The following CARF variants were observed in gnomAD, a reference collection of about 807,000 sequenced individuals.
The protein encoded by CARF is calcium responsive transcription factor, also known as calcium-responsive transcription factor.
A neutral mutation model predicts 82.0 loss-of-function variants in CARF; 57 were observed. The observed-to-expected ratio is 0.70, with a 90% CI of 0.56 to 0.87. CARF has a LOEUF of 0.87. CARF is among the 40% of genes least tolerant of loss of function. The pLI is 0.00. For missense variants in CARF, 771 were observed against 855.8 expected (o/e 0.90, Z 1.24); for synonymous variants, 268 against 290.1 (o/e 0.92, Z 0.77).
chr2:202,925,862 A>T (rs924602750), intron 3 of CARF: 2 of 193,504 alleles, frequency 1.0e-5, no homozygotes, highest in African/African-American at 4.8e-5. Flanking sequence ...TGGGATGCAG[A>T]ACATGAGTAT....
At position 202,981,305 on chromosome 2, in the gene CARF, G is replaced by A. The variant is rs1360640108; in HGVS notation, c.1559-250G>A. 2.6e-5 allele frequency among the ~76,000 whole-genome samples: 4 copies of A among 152,114 alleles called. No individual in the cohort carries two copies. In the East Asian group the frequency reaches 5.8e-4, roughly 22 times the overall value. ...TGATCTAACACGAGGTAGAGCTCAC[G>A]CGGTAAGGCTTCCTCATGCAGTAAG... On this transcript the variant is annotated intron_variant, in intron 14 of 16. Transcript: ENST00000438828.
In CARF at chr2:202,971,914, C is replaced by T. The variant is rs544867972; in HGVS notation, c.1331+176C>T. Among the ~76,000 whole-genome samples the T allele has an allele frequency of 9.2e-5, 14 of 152,086 alleles. No homozygotes were observed. In the East Asian group the frequency reaches 2.7e-3, roughly 29 times the overall value. ...TAAACTGATCATTTTCTAACAAATG[C>T]TTGGCAAGCAATGGTGTAATATGGT... is the stretch of plus-strand genomic sequence containing the variant. On this transcript the variant is annotated intron_variant, in intron 12 of 16. Coordinates refer to ENST00000438828, the MANE Select transcript of CARF (RefSeq NM_024744.17).
At chr2:202,973,589 G>A (rs2059898272) in intron 12 of CARF, 2 of 330,344 alleles carry the variant, frequency 6.1e-6, no homozygotes, top group South Asian at 2.6e-5. Context: ...TACTAGGTAG[G>A]TGTATGATTT....
chr2:202,961,203 G>C, intron 8 of CARF, 34 bp from the exon 9 acceptor site: 1 of 1,544,166 alleles, frequency 6.5e-7, no homozygotes, highest in Non-Finnish European at 8.9e-7. Context: ...GAAGTGTATT[G>C]CTAGTAATTT....
intron 13 of CARF, among the ~76,000 whole-genome samples, chr2:202,975,937 T>A (rs1243677270): frequency 6.7e-6 from 1 of 150,374 alleles, no homozygotes; most frequent in Non-Finnish European, 1.5e-5. Context: ...CCCAGCTACT[T>A]GGCAGGCTGA....
At chr2:202,916,478 C>T (rs1280532444) in intron 1 of CARF, among the ~76,000 whole-genome samples, 3 of 152,030 alleles carry the variant, frequency 2.0e-5, no homozygotes, top group African/African-American at 4.8e-5. Flanking sequence ...ACCAGCATCC[C>T]GCCGAGCAAT....
Position 202,971,536 on chromosome 2 carries a change from C to T in CARF, c.1129C>T (p.His377Tyr). The part of the protein sequence containing the change: ...WYVQLPTQQA[H>Y]QYHELETPCL... ...TGTACAGTTACCTACACAGCAAGCT[C>T]ATCAGTATCATGAATTAGAGACTCC... is the stretch of plus-strand genomic sequence containing the variant. Residue 377 changes from histidine to tyrosine, a missense_variant, in exon 12 of 17, where the codon CAT becomes TAT. Physicochemically the swap from His to Tyr is moderately conservative, Grantham distance 83 (BLOSUM62 2). Transcript: ENST00000438828. 6.2e-7 allele frequency: 1 copy of T among 1,613,310 alleles called. No homozygotes were observed. The highest frequency in any genetic ancestry group is 8.5e-7 in the Non-Finnish European group (1 of 1,179,544).
At chr2:202,920,078 T>G (rs1367627819) in intron 2 of CARF, among the ~76,000 whole-genome samples, 4 of 152,200 alleles carry the variant, frequency 2.6e-5, no homozygotes, top group African/African-American at 9.7e-5. Context: ...TGATTGTTGA[T>G]AATTCTAGCT....
intron 10 of CARF, among the ~76,000 whole-genome samples, chr2:202,967,674 A>AG (rs1428732642): frequency 2.6e-5 from 4 of 152,244 alleles, no homozygotes; most frequent in African/African-American, 4.8e-5. Flanking sequence ...TATTATACAA[A>AG]GCTGCAGTTA....
intron 3 of CARF, among the ~76,000 whole-genome samples, chr2:202,934,060 C>CA (rs200878308): frequency 1.3e-3 from 201 of 149,214 alleles, no homozygotes; most frequent in African/African-American, 4.3e-3. Context: ...AAAAAAATAT[C>CA]AAAAAAAAAA....
chr2:202,935,109 A>G (rs549412014), intron 3 of CARF, among the ~76,000 whole-genome samples: 10 of 142,912 alleles, frequency 7.0e-5, no homozygotes, highest in African/African-American at 2.3e-4. Flanking sequence ...ATAATATATA[A>G]TTATATATAA....
rs2060456791 is a variant in CARF, at chr2:202,986,886, A to ATATATATACATATATATATATATATACG, written c.*3270_*3271insCATATATATATATATATACGTATATATA. ...TCTGTGCGTATATATATATATATAT[A>ATATATATACATATATATATATATATACG]TATATATATATATATATATATAGCA... On this transcript the variant is annotated 3_prime_UTR_variant, in exon 17 of 17. Transcript: ENST00000438828. The ATATATATACATATATATATATATATACG allele has an allele frequency of 3.6e-5, 4 of 110,794 alleles. No homozygotes were observed. Among genetic ancestry groups the ATATATATACATATATATATATATATACG allele is most frequent in the South Asian group, 2.9e-4 (1 of 3,390 alleles). The allele number at this position is 110,794 out of a possible 1,614,324, so 6.9% of individuals were successfully genotyped here.
chr2:202,940,167 AG>A (rs2058160075), intron 3 of CARF, among the ~76,000 whole-genome samples: 1 of 151,904 alleles, frequency 6.6e-6, no homozygotes, highest in African/African-American at 2.4e-5. Flanking sequence ...CCAAGTAGTG[AG>A]GATTACAGGC....
intron 10 of CARF, among the ~76,000 whole-genome samples, chr2:202,968,766 TC>T (rs931632932): frequency 6.6e-6 from 1 of 152,126 alleles, no homozygotes; most frequent in African/African-American, 2.4e-5. Flanking sequence ...TTTTACTTAA[TC>T]CCAGGGAACG....
intron 3 of CARF, among the ~76,000 whole-genome samples, chr2:202,930,705 T>C (rs1004792449): frequency 1.3e-5 from 2 of 152,182 alleles, no homozygotes; most frequent in African/African-American, 4.8e-5. Context: ...TTTTGGCAAC[T>C]CGTAGCCTTT....
chr2:202,913,018 A>T lies in CARF; in HGVS notation c.-414A>T, dbSNP rs1413823860. The T allele has an allele frequency of 6.6e-6, 1 of 152,254 alleles. No individual in the cohort carries two copies. Among genetic ancestry groups the T allele is most frequent in the African/African-American group, 2.4e-5 (1 of 41,458 alleles). 9.4% of individuals were successfully genotyped at this position (152,254 alleles called of 1,614,324 possible). A position where few individuals can be genotyped will look rare whatever the true frequency, so the allele number is the denominator to read the frequency against. ...GGATGGAGATAACTATCCTGATCCC[A>T]ATGTCACTTTTTAAGGCATTCGCTT... On this transcript the variant is annotated 5_prime_UTR_variant, in exon 1 of 17. Coordinates refer to ENST00000438828, the MANE Select transcript of CARF (RefSeq NM_024744.17).
At chr2:202,957,817 T>TGGTAGTGGGCAC (rs2059121176) in intron 8 of CARF, among the ~76,000 whole-genome samples, 1 of 152,018 alleles carries the variant, frequency 6.6e-6, no homozygotes, top group African/African-American at 2.4e-5. Flanking sequence ...TAGCCGGGCA[T>TGGTAGTGGGCAC]GGTAGTGGGC....
rs761241070 is a variant in CARF at position 202,981,629 on chromosome 2, A to G, written c.1633A>G (p.Thr545Ala). Residue 545 changes from threonine (T) to alanine (A), a missense_variant, in exon 15 of 17, where the codon ACC becomes GCC. Coordinates refer to ENST00000438828, the MANE Select transcript of CARF (RefSeq NM_024744.17). ...CAGGGGTTCTTTGTCTCCTGAGCCA[A>G]CCCACTTGCTCTCCTCACTCTCCTC... ...QTRGSLSPEP[T>A]HLLSSLSSFQ... 9 of 1,612,152 alleles carry G rather than the reference A, an allele frequency of 5.6e-6. No homozygotes were observed. The highest frequency in any genetic ancestry group is 6.8e-6 in the Non-Finnish European group (8 of 1,178,758).
intron 6 of CARF, among the ~76,000 whole-genome samples, chr2:202,953,500 T>TTTG (rs1553563244): frequency 7.0e-6 from 1 of 142,396 alleles, no homozygotes; most frequent in African/African-American, 2.5e-5. Flanking sequence ...TTTTTGTTGT[T>TTTG]TTTTTTTTTT....
Sources: gnomAD v4.1 joint callset for allele counts (sites outside exome capture counted in the v4.1 genomes callset) on GRCh38, gnomAD v4.1.1 for gene constraint, MANE v1.5 for transcripts, NCBI Gene and HGNC (gene_info 2026-07-23, HGNC 2026-07-21) for gene names.